The following TRIM51 variants were observed in gnomAD, a reference collection of about 807,000 sequenced individuals.
TRIM51 encodes tripartite motif-containing protein 51.
TRIM51 carries 23 observed loss-of-function variants against 32.7 expected under a neutral mutation model. The ratio of observed to expected loss-of-function variants is 0.70; its 90% CI spans 0.51 to 1.00. TRIM51 has a LOEUF of 1.00. TRIM51 is among the 50% of genes least tolerant of loss of function. The pLI is 0.00. For synonymous variants in TRIM51, 177 were observed against 181.9 expected, an observed-to-expected ratio of 0.97 and a Z score of 0.22; for missense variants, 592 against 539.2, an observed-to-expected ratio of 1.10 and a Z score of -0.97.
rs1440249613 is a variant in TRIM51 at position 55,885,573 on chromosome 11, C to G, written c.145C>G (p.Leu49Val). 1 of 1,611,884 alleles carries G rather than the reference C, an allele frequency of 6.2e-7. No individual in the cohort carries two copies. The highest frequency in any genetic ancestry group is 8.5e-7 in the Non-Finnish European group (1 of 1,179,756). The part of the protein sequence containing the change: ...LYLNWQDTAV[L>V]AQCSECKKTT... Reference sequence around the variant, plus strand: ...CCTCAACTGGCAAGACACGGCAGTTCTTGCTCAGTGCTCTGAATGCAAGAA... The same window carrying G: ...CCTCAACTGGCAAGACACGGCAGTTGTTGCTCAGTGCTCTGAATGCAAGAA... The change falls in exon 2 of 7, where the codon CTT (leucine) becomes GTT (valine). Residue 49 changes from leucine to valine, a missense_variant. Leu to Val is a conservative substitution (Grantham distance 32). Coordinates refer to ENST00000449290, the MANE Select transcript of TRIM51 (RefSeq NM_032681.4).
chr11:55,888,445 C>T (rs1854605996), intron 4 of TRIM51, among the ~76,000 whole-genome samples, 183 bp downstream of exon 4: 1 of 152,156 alleles, frequency 6.6e-6, no homozygotes, highest in Admixed American at 6.5e-5. Flanking sequence ...GACCGAAGGT[C>T]CCTCCTACTT....
rs756226051 is a variant in TRIM51 at position 55,885,773 on chromosome 11, C to G, written c.345C>G (p.Cys115Trp). 3 of 1,611,770 alleles carry G rather than the reference C, an allele frequency of 1.9e-6. No individual in the cohort carries two copies. In the Admixed American group the frequency reaches 5.0e-5, roughly 27 times the overall value. The change falls in exon 2 of 7, where the codon TGC becomes TGG. Residue 115 changes from cysteine (C) to tryptophan (W), a missense_variant. Coordinates refer to ENST00000449290, the MANE Select transcript of TRIM51 (RefSeq NM_032681.4). ...EVDKSLLCLPCSNSQEHRNHI... is the reference protein window; with the variant it reads ...EVDKSLLCLPWSNSQEHRNHI... ...ACAAGAGCCTGCTCTGTTTGCCGTG[C>G]TCCAACTCTCAGGAGCACCGGAATC...
chr11:55,887,568 T>A (rs1265007052), intron 3 of TRIM51, among the ~76,000 whole-genome samples: 15 of 152,094 alleles, frequency 9.9e-5, no homozygotes, highest in Non-Finnish European at 1.0e-4. Flanking sequence ...TGGAAGAGAA[T>A]AAATGAAACC....
At chr11:55,887,300 G>GAT (rs1854589232) in intron 3 of TRIM51, among the ~76,000 whole-genome samples, 1 of 141,022 alleles carries the variant, frequency 7.1e-6, no homozygotes, top group East Asian at 2.1e-4. Flanking sequence ...TCTGGATGTT[G>GAT]GTATATATAT....
chr11:55,891,671 A>G lies in TRIM51; in HGVS notation c.*39A>G. On this transcript the variant is annotated 3_prime_UTR_variant, in exon 7 of 7. Coordinates refer to ENST00000449290, the MANE Select transcript of TRIM51 (RefSeq NM_032681.4). ...AGAAATGTGCCTGTATGCTCTGGGA[A>G]CCTGTTTATCCCAGAAAGCCCTCTT... is the stretch of plus-strand genomic sequence containing the variant. The G allele has an allele frequency of 6.2e-7, 1 of 1,607,974 alleles. No homozygotes were observed. Among genetic ancestry groups the G allele is most frequent in the South Asian group, 1.1e-5 (1 of 90,690 alleles).
chr11:55,887,948 G>C, intron 3 of TRIM51, 84 bp from the exon 4 acceptor site: 1 of 967,298 alleles, frequency 1.0e-6, no homozygotes, highest in Middle Eastern at 3.1e-4. Flanking sequence ...TTAAAATATT[G>C]GGTGTTTAGA....
intron 5 of TRIM51, among the ~76,000 whole-genome samples, chr11:55,889,458 G>T (rs565502134): frequency 4.3e-4 from 66 of 152,234 alleles, no homozygotes; most frequent in African/African-American, 1.5e-3. Context: ...TCTGAAAAAT[G>T]GATGAAGCAA....
chr11:55,888,402 G>C (rs1854605186), intron 4 of TRIM51, 140 bp downstream of exon 4: 1 of 741,720 alleles, frequency 1.3e-6, no homozygotes, highest in Admixed American at 2.1e-5. Context: ...CTACTTGGTT[G>C]GGAGGGTATA....
At chr11:55,888,379 TC>T in intron 4 of TRIM51, 117 bp downstream of exon 4, 1 of 821,306 alleles carries the variant, frequency 1.2e-6, no homozygotes, top group Non-Finnish European at 2.1e-6. Context: ...AAAACACGAT[TC>T]CATAACTAAT....
chr11:55,884,182 T>TATATATATATATATATATAG (rs1458218535), intron 1 of TRIM51, among the ~76,000 whole-genome samples: 1 of 110,286 alleles, frequency 9.1e-6, no homozygotes, highest in Admixed American at 9.0e-5. Flanking sequence ...TATATATATA[T>TATATATATATATATATATAG]ACACATACCA....
In TRIM51 at chr11:55,886,166, G is replaced by T. The variant is rs754889723; in HGVS notation, c.455G>T (p.Cys152Phe). The change falls in exon 3 of 7, where the codon TGT becomes TTT. Residue 152 changes from cysteine to phenylalanine, a missense_variant. Coordinates refer to ENST00000449290, the MANE Select transcript of TRIM51 (RefSeq NM_032681.4). ...KKMQSLWEKA[C>F]ENLRNLNMET... Reference sequence around the variant, plus strand: ...ATGCAGTCTTTATGGGAAAAAGCTTGTGAAAATCTCAGAAATCTGAACATG... The same window carrying T: ...ATGCAGTCTTTATGGGAAAAAGCTTTTGAAAATCTCAGAAATCTGAACATG... 6.2e-7 allele frequency: 1 copy of T among 1,613,608 alleles called. No homozygotes were observed. The highest frequency in any genetic ancestry group is 2.2e-5 in the East Asian group (1 of 44,864).
intron 1 of TRIM51, among the ~76,000 whole-genome samples, chr11:55,884,998 A>G (rs1270589660): frequency 6.6e-6 from 1 of 151,662 alleles, no homozygotes; most frequent in Admixed American, 6.6e-5. Flanking sequence ...AAAATATGTC[A>G]TAGCAACCTC....
rs184512144 is a variant in TRIM51 at position 55,886,805 on chromosome 11, T to C, written c.507+587T>C. Among the ~76,000 whole-genome samples, 14 of 152,256 alleles carry C rather than the reference T, an allele frequency of 9.2e-5. No homozygotes were observed. In the East Asian group the frequency reaches 2.5e-3, roughly 27 times the overall value. On this transcript the variant is annotated intron_variant, in intron 3 of 6. Coordinates refer to ENST00000449290, the MANE Select transcript of TRIM51 (RefSeq NM_032681.4). ...GAGAAATATGGGAACTAGTATTTAA[T>C]ATAAGGAGAAGTCTAAGGACTTGAG...
rs1854653868 is a variant in TRIM51 at position 55,891,746 on chromosome 11, T to C, written c.*114T>C. ...AATAAGTTATATTTAATGTCTTTAGTTGCATTCTAATGTCATCAAAACTCA... is the reference window on the plus strand; with the variant it reads ...AATAAGTTATATTTAATGTCTTTAGCTGCATTCTAATGTCATCAAAACTCA... On this transcript the variant is annotated 3_prime_UTR_variant, in exon 7 of 7. Transcript: ENST00000449290. 1 of 1,225,660 alleles carries C rather than the reference T, an allele frequency of 8.2e-7. No individual in the cohort carries two copies. The highest frequency in any genetic ancestry group is 2.2e-5 in the Admixed American group (1 of 45,262). 75.9% of individuals were successfully genotyped at this position (1,225,660 alleles called of 1,614,324 possible).
At chr11:55,887,536 A>T (rs1854592221) in intron 3 of TRIM51, among the ~76,000 whole-genome samples, 1 of 152,140 alleles carries the variant, frequency 6.6e-6, no homozygotes, top group Admixed American at 6.6e-5. Context: ...AAAGAAGCCC[A>T]TGTTGCCGAT....
chr11:55,890,211 T>C (rs1035335907), intron 6 of TRIM51, among the ~76,000 whole-genome samples, 172 bp downstream of exon 6: 3 of 152,136 alleles, frequency 2.0e-5, no homozygotes, highest in South Asian at 2.1e-4. Flanking sequence ...AATTATAACA[T>C]GAAGAGTACA....
Position 55,890,033 on chromosome 11 carries a change from T to C in TRIM51, c.853T>C (p.Phe285Leu). ...ITGLLDSLSG[F>L]RVDFTLQPER... Reference sequence around the variant, plus strand: ...TGGACTGCTGGACAGCCTCAGTGGATTCAGAGGTGAGTGTCAGCCCATTGG... The same window carrying C: ...TGGACTGCTGGACAGCCTCAGTGGACTCAGAGGTGAGTGTCAGCCCATTGG... Residue 285 changes from phenylalanine to leucine, a missense_variant, in exon 6 of 7, where the codon TTC becomes CTC. By Grantham distance (22) the Phe-to-Leu change is conservative. Transcript: ENST00000449290. The C allele has an allele frequency of 6.2e-7, 1 of 1,611,294 alleles. No homozygotes were observed. Among genetic ancestry groups the C allele is most frequent in the Non-Finnish European group, 8.5e-7 (1 of 1,177,732 alleles).
In TRIM51 at chr11:55,885,705, T is replaced by C; in HGVS notation, c.277T>C (p.Cys93Arg). The C allele has an allele frequency of 1.4e-5, 22 of 1,611,574 alleles. No individual in the cohort carries two copies. Among genetic ancestry groups the C allele is most frequent in the Non-Finnish European group, 1.8e-5 (21 of 1,179,666 alleles). Residue 93 changes from cysteine (C) to arginine (R), a missense_variant, in exon 2 of 7, where the codon TGT becomes CGT. Coordinates refer to ENST00000449290, the MANE Select transcript of TRIM51 (RefSeq NM_032681.4). Reference sequence around the variant, plus strand: ...ATTCCTTAGCTCTGAGGAGCAAATATGTGGGATGCACAGAGAGACAAAGAA... The same window carrying C: ...ATTCCTTAGCTCTGAGGAGCAAATACGTGGGATGCACAGAGAGACAAAGAA... ...RQFLSSEEQI[C>R]GMHRETKKMF... is the part of the protein sequence containing the mutation.
chr11:55,891,427 A>T lies in TRIM51; in HGVS notation c.1154A>T (p.Glu385Val). Reference protein sequence around the residue: ...EGLFLLGCVKEDTHCSLFTTS... With the variant: ...EGLFLLGCVKVDTHCSLFTTS... Reference sequence around the variant, plus strand: ...CTCTTTCTTCTTGGATGTGTTAAGGAGGACACTCACTGCAGTCTCTTTACC... The same window carrying T: ...CTCTTTCTTCTTGGATGTGTTAAGGTGGACACTCACTGCAGTCTCTTTACC... Residue 385 changes from glutamate (E) to valine (V), a missense_variant, in exon 7 of 7, where the codon GAG becomes GTG. Glu to Val is a moderately radical substitution (Grantham distance 121, BLOSUM62 -2). Coordinates refer to ENST00000449290, the MANE Select transcript of TRIM51 (RefSeq NM_032681.4). The T allele has an allele frequency of 6.2e-7, 1 of 1,612,766 alleles. No individual in the cohort carries two copies. Among genetic ancestry groups the T allele is most frequent in the South Asian group, 1.1e-5 (1 of 91,070 alleles).
Sources: gnomAD v4.1 joint callset for allele counts (sites outside exome capture counted in the v4.1 genomes callset) on GRCh38, gnomAD v4.1.1 for gene constraint, MANE v1.5 for transcripts, NCBI Gene and HGNC (gene_info 2026-07-23, HGNC 2026-07-21) for gene names.